SNX2: variants seen among roughly 807,000 people sequenced by gnomAD.
SNX2 encodes the protein sorting nexin-2.
A neutral mutation model predicts 69.9 loss-of-function variants in SNX2; 25 were observed. The ratio of observed to expected loss-of-function variants is 0.36; its 90% CI spans 0.26 to 0.50. The LOEUF (loss-of-function observed/expected upper bound fraction) is 0.50, where lower values mean the gene tolerates loss of function less well. Among genes scored for constraint, SNX2 ranks in the 20% least tolerant of loss-of-function variants. The pLI is 0.97. For missense variants in SNX2, 551 were observed against 613.3 expected, an observed-to-expected ratio of 0.90 and a Z score of 1.07; for synonymous variants, 229 against 200.4, an observed-to-expected ratio of 1.14 and a Z score of -1.20.
At chr5:122,782,825 T>C (rs908698878) in intron 1 of SNX2, among the ~76,000 whole-genome samples, 1 of 152,188 alleles carries the variant, frequency 6.6e-6, no homozygotes, top group Admixed American at 6.5e-5. Context: ...GCGTGAGCTA[T>C]TGCACCTGAC....
Position 122,799,715 on chromosome 5 carries a change from G to T in SNX2, c.250G>T (p.Asp84Tyr). 2.5e-6 allele frequency: 4 copies of T among 1,612,610 alleles called. No homozygotes were observed. Among genetic ancestry groups the T allele is most frequent in the Non-Finnish European group, 3.4e-6 (4 of 1,179,232 alleles). Residue 84 changes from aspartate (D) to tyrosine (Y), a missense_variant, in exon 3 of 15, where the codon GAC (aspartate) becomes TAC (tyrosine). Asp to Tyr is a radical substitution (Grantham distance 160, BLOSUM62 -3). Transcript: ENST00000379516. ...FAEATEEVSLDSPEREPILSS... is the reference protein window; with the variant it reads ...FAEATEEVSLYSPEREPILSS... ...AGAAGCCACAGAAGAAGTTTCTTTGGACAGCCCTGAAAGGGAACCTATCCT... is the reference window on the plus strand; with the variant it reads ...AGAAGCCACAGAAGAAGTTTCTTTGTACAGCCCTGAAAGGGAACCTATCCT...
At chr5:122,795,161 C>T in intron 1 of SNX2, 105 bp from the exon 2 acceptor site, 1 of 712,820 alleles carries the variant, frequency 1.4e-6, no homozygotes, top group Non-Finnish European at 2.4e-6. Flanking sequence ...CTTGTTCTTT[C>T]CTCCATTCTT....
At chr5:122,785,151 TCAAA>T (rs769073958) in intron 1 of SNX2, among the ~76,000 whole-genome samples, 2 of 152,128 alleles carry the variant, frequency 1.3e-5, no homozygotes, top group Non-Finnish European at 2.9e-5. Flanking sequence ...TAGGATCTTC[TCAAA>T]CAATTACCTT....
At chr5:122,813,767 CTTT>C (rs546503535) in intron 7 of SNX2, among the ~76,000 whole-genome samples, 38 of 115,364 alleles carry the variant, frequency 3.3e-4, no homozygotes, top group South Asian at 2.1e-3. Flanking sequence ...AGAATATTTC[CTTT>C]TTTTTTTTTT....
rs777333704 is a variant in SNX2, at chr5:122,817,005, A to G, written c.889A>G (p.Ile297Val). The change falls in exon 9 of 15, where the codon ATC becomes GTC. Residue 297 changes from isoleucine (I) to valine (V), a missense_variant. Ile to Val is a conservative substitution (Grantham distance 29, BLOSUM62 3). Around this residue, in one of 2 missense-constraint regions of SNX2, gnomAD observed 360 missense variants for 450.4 expected, o/e 0.80. Coordinates refer to ENST00000379516, the MANE Select transcript of SNX2 (RefSeq NM_003100.4). ...TGCCGACGCTGTCAACAAAATGACA[A>G]TCAAGATGAATGAATCGGATGCAGT... ...KAADAVNKMT[I>V]KMNESDAWFE... is the part of the protein sequence containing the mutation. 4.3e-6 allele frequency: 7 copies of G among 1,611,584 alleles called. No homozygotes were observed. The African/African-American group carries it at 6.7e-5, about 15-fold the overall frequency.
chr5:122,782,824 A>G (rs947589821), intron 1 of SNX2, among the ~76,000 whole-genome samples: 1 of 152,178 alleles, frequency 6.6e-6, no homozygotes, highest in African/African-American at 2.4e-5. Flanking sequence ...GGCGTGAGCT[A>G]TTGCACCTGA....
chr5:122,775,644 T>C (rs6880015), intron 1 of SNX2: 116,003 of 987,402 alleles, frequency 0.12, 7,487 homozygotes, highest in East Asian at 0.35. Context: ...CGCAATGAAG[T>C]GAGCGCTGAG....
At chr5:122,789,480 C>CAT (rs982486768) in intron 1 of SNX2, among the ~76,000 whole-genome samples, 1 of 99,906 alleles carries the variant, frequency 1.0e-5, no homozygotes, top group Non-Finnish European at 2.0e-5. Context: ...CACGGACACA[C>CAT]ACACACACAC....
Position 122,832,693 on chromosome 5 carries a change from G to A in SNX2, c.*3045G>A, listed in dbSNP as rs137887148. On this transcript the variant is annotated 3_prime_UTR_variant, in exon 15 of 15. Transcript: ENST00000379516. ...AACATAATCAGCTTTCTTTAAAGGA[G>A]GAAGTCAGATGAGTAGAGAAGGAAA... is the stretch of plus-strand genomic sequence containing the variant. The A allele has an allele frequency of 2.0e-5, 3 of 152,294 alleles. No homozygotes were observed. Among genetic ancestry groups the A allele is most frequent in the East Asian group, 1.9e-4 (1 of 5,192 alleles). The allele number at this position is 152,294 out of a possible 1,614,324, so 9.4% of individuals were successfully genotyped here. A position where few individuals can be genotyped will look rare whatever the true frequency, so the allele number is the denominator to read the frequency against.
At chr5:122,796,700 T>C (rs1448731574) in intron 2 of SNX2, among the ~76,000 whole-genome samples, 1 of 152,236 alleles carries the variant, frequency 6.6e-6, no homozygotes, top group Non-Finnish European at 1.5e-5. Flanking sequence ...TATAGGGTCA[T>C]ACATAGAGGT....
chr5:122,819,188 C>A (rs571676718), intron 11 of SNX2, among the ~76,000 whole-genome samples, 165 bp downstream of exon 11: 1 of 152,248 alleles, frequency 6.6e-6, no homozygotes, highest in East Asian at 1.9e-4. Flanking sequence ...CTATGACTTG[C>A]ACAGTACAAT....
rs755360049 is a variant in SNX2 at position 122,817,297 on chromosome 5, G to T, written c.930G>T (p.Gln310His). 2.5e-6 allele frequency: 4 copies of T among 1,613,808 alleles called. No individual in the cohort carries two copies. In the South Asian group the frequency reaches 4.4e-5, roughly 18 times the overall value. The change falls in exon 10 of 15, where the codon CAG becomes CAT. Residue 310 changes from glutamine to histidine, a missense_variant. Physicochemically the swap from Gln to His is conservative, Grantham distance 24. This residue lies in a region of SNX2 where 360 missense variants were observed against 450.4 expected (regional missense o/e 0.80). Transcript: ENST00000379516. ...NESDAWFEEK[Q>H]QQFENLDQQL... ...TTTCTTAGTGGTTTGAAGAAAAGCAGCAGCAATTTGAGAATCTGGATCAGC... is the reference window on the plus strand; with the variant it reads ...TTTCTTAGTGGTTTGAAGAAAAGCATCAGCAATTTGAGAATCTGGATCAGC...
At chr5:122,789,753 C>G (rs1340487702) in intron 1 of SNX2, among the ~76,000 whole-genome samples, 1 of 152,196 alleles carries the variant, frequency 6.6e-6, no homozygotes, top group East Asian at 1.9e-4. Flanking sequence ...TACCATTGCA[C>G]AGGTCTGTGA....
chr5:122,827,483 A>G (rs757106128), intron 13 of SNX2, 24 bp downstream of exon 13: 1 of 1,609,116 alleles, frequency 6.2e-7, no homozygotes, highest in Non-Finnish European at 8.5e-7. Context: ...TTTTGCATTT[A>G]TCTTAACAAC....
chr5:122,797,197 G>C (rs1297209485), intron 2 of SNX2, among the ~76,000 whole-genome samples: 1 of 152,154 alleles, frequency 6.6e-6, no homozygotes, highest in Non-Finnish European at 1.5e-5. Context: ...CAAAGTATTG[G>C]GATTACAGGC....
At chr5:122,828,745 G>A (rs1754213979) in intron 14 of SNX2, among the ~76,000 whole-genome samples, 1 of 152,220 alleles carries the variant, frequency 6.6e-6, no homozygotes, top group Admixed American at 6.5e-5. Flanking sequence ...AAGTAGCCAG[G>A]AGTAATTAAT....
At chr5:122,824,143 A>G (rs1381537002) in intron 11 of SNX2, among the ~76,000 whole-genome samples, 3 of 150,320 alleles carry the variant, frequency 2.0e-5, no homozygotes, top group African/African-American at 4.9e-5. Context: ...TGGAGCTCGC[A>G]GTGAGCTGAG....
chr5:122,793,919 A>C (rs1292286679), intron 1 of SNX2, among the ~76,000 whole-genome samples: 3 of 151,034 alleles, frequency 2.0e-5, no homozygotes, highest in African/African-American at 2.4e-5. Context: ...GTCCCCCCAA[A>C]AAAAAAAAAA....
intron 1 of SNX2, among the ~76,000 whole-genome samples, chr5:122,784,549 A>C (rs1753040468): frequency 6.6e-6 from 1 of 151,910 alleles, no homozygotes; most frequent in African/African-American, 2.4e-5. Context: ...AATGATTTTC[A>C]AACTGATTCA....
Sources: gnomAD v4.1 joint callset for allele counts (sites outside exome capture counted in the v4.1 genomes callset) on GRCh38, gnomAD v4.1.1 for gene constraint, gnomAD v4.1.1 regional missense constraint, MANE v1.5 for transcripts, NCBI Gene and HGNC (gene_info 2026-07-23, HGNC 2026-07-21) for gene names.